Variants in USP43 observed in about 807,000 individuals in gnomAD.
USP43 encodes the protein ubiquitin specific peptidase 43.
USP43 carries 33 observed loss-of-function variants against 90.7 expected under a neutral mutation model. The ratio of observed to expected loss-of-function variants is 0.36; its 90% confidence interval spans 0.28 to 0.49. USP43 has a LOEUF of 0.49. USP43 is among the 20% of genes least tolerant of loss of function. The probability of loss-of-function intolerance (pLI) is 0.98; values close to 1 mark genes in which losing one functional copy is unlikely to be tolerated. For synonymous variants in USP43, 598 were observed against 615.8 expected (o/e 0.97, Z 0.43); for missense variants, 1,274 against 1,476.4 (o/e 0.86, Z 2.25).
intron 14 of USP43, among the ~76,000 whole-genome samples, chr17:9,715,973 G>A (rs922811907): frequency 5.9e-5 from 9 of 151,512 alleles, no homozygotes; most frequent in African/African-American, 2.2e-4. Context: ...GTGTATATGT[G>A]TGTGTGTCTG....
At chr17:9,655,353 C>T (rs1912167389) in intron 1 of USP43, among the ~76,000 whole-genome samples, 1 of 152,226 alleles carries the variant, frequency 6.6e-6, no homozygotes, top group South Asian at 2.1e-4. Flanking sequence ...ACATGTATAG[C>T]AAAAGTCCCT....
At chr17:9,647,414 C>A (rs2937971) in intron 1 of USP43, 10,928 of 152,182 alleles carry the variant, frequency 0.072, 854 homozygotes, top group African/African-American at 0.19. Context: ...AGAGCAAGGT[C>A]TCTGGAGTTT....
intron 2 of USP43, among the ~76,000 whole-genome samples, chr17:9,661,041 T>C (rs185873473): frequency 5.3e-5 from 8 of 152,338 alleles, no homozygotes; most frequent in African/African-American, 1.7e-4. Context: ...AGGTTATTTC[T>C]GTTTTTAAGA....
At chr17:9,692,750 G>A (rs1408377082) in intron 8 of USP43, among the ~76,000 whole-genome samples, 3 of 152,078 alleles carry the variant, frequency 2.0e-5, no homozygotes, top group Non-Finnish European at 4.4e-5. Context: ...GCCTCATTGT[G>A]GGGATGATAA....
In USP43 at chr17:9,728,557, A is replaced by G. The variant is rs1917403624; in HGVS notation, c.2939A>G (p.Asp980Gly). Residue 980 changes from aspartate (D) to glycine (G), a missense_variant, in exon 15 of 15, where the codon GAC becomes GGC. Around this residue, in one of 6 missense-constraint regions of USP43, gnomAD observed 353 missense variants for 329.7 expected, o/e 1.07. Coordinates refer to ENST00000285199, the MANE Select transcript of USP43 (RefSeq NM_153210.5). This position sits in a 1 kb window ranked among gnomAD's most constrained non-coding sequence, Gnocchi z 6.2. ...ATGGGATTCTCTGGAAACAGCAAAG[A>G]CAGTCGCCGAGGCACCTCTGAGCTA... ...PYMGFSGNSK[D>G]SRRGTSELDR... The G allele has an allele frequency of 1.2e-6, 2 of 1,613,970 alleles. No homozygotes were observed. Among genetic ancestry groups the G allele is most frequent in the South Asian group, 1.1e-5 (1 of 91,082 alleles).
At chr17:9,694,854 C>T (rs1915165891) in intron 9 of USP43, among the ~76,000 whole-genome samples, 1 of 152,150 alleles carries the variant, frequency 6.6e-6, no homozygotes, top group African/African-American at 2.4e-5. Flanking sequence ...GAACTCCTGA[C>T]CTCAAGTGAT....
chr17:9,676,077 A>C lies in USP43; in HGVS notation c.834-669A>C, dbSNP rs145635638. Among the ~76,000 whole-genome samples the C allele has an allele frequency of 9.8e-5, 15 of 152,356 alleles. No individual in the cohort carries two copies. In the East Asian group the frequency reaches 2.7e-3, roughly 27 times the overall value. On this transcript the variant is annotated intron_variant, in intron 4 of 14. Coordinates refer to ENST00000285199, the MANE Select transcript of USP43 (RefSeq NM_153210.5). Reference sequence around the variant, plus strand: ...GCAGAGATTTCCAAAGGAGACTCTCATTAAGGAGAATGTCATCAGTAGTGT... The same window carrying C: ...GCAGAGATTTCCAAAGGAGACTCTCCTTAAGGAGAATGTCATCAGTAGTGT...
intron 14 of USP43, among the ~76,000 whole-genome samples, chr17:9,720,587 C>T (rs1341420239): frequency 6.6e-6 from 1 of 151,888 alleles, no homozygotes; most frequent in East Asian, 2.0e-4. Context: ...CTCCCAGGTT[C>T]AAGCAATTCT....
chr17:9,696,368 A>G (rs552419853), intron 9 of USP43, among the ~76,000 whole-genome samples: 63 of 152,200 alleles, frequency 4.1e-4, no homozygotes, highest in African/African-American at 1.4e-3. Flanking sequence ...TCCTGAGCTC[A>G]GGCAATCCGC....
chr17:9,726,546 AC>A lies in USP43; in HGVS notation c.2336-1407del, dbSNP rs1348624985. ...GCTGCAGACAGCTTCATGTGTCCTC[AC>A]ATGGCAGGAAGAGAGCTGGGTAGCT... On this transcript the variant is annotated intron_variant, in intron 14 of 14. Coordinates refer to ENST00000285199, the MANE Select transcript of USP43 (RefSeq NM_153210.5). 3.3e-5 allele frequency among the ~76,000 whole-genome samples: 5 copies of A among 152,286 alleles called. 1 individual carries two copies. The East Asian group carries it at 7.7e-4, about 23-fold the overall frequency.
intron 9 of USP43, among the ~76,000 whole-genome samples, chr17:9,696,382 C>T (rs1261293780): frequency 6.6e-6 from 1 of 152,154 alleles, no homozygotes; most frequent in East Asian, 1.9e-4. Flanking sequence ...AATCCGCCTG[C>T]CTCTGCCTCC....
chr17:9,723,337 G>A (rs1379693552), intron 14 of USP43, among the ~76,000 whole-genome samples: 2 of 152,066 alleles, frequency 1.3e-5, no homozygotes, highest in Non-Finnish European at 2.9e-5. Context: ...ACTTGGGGGT[G>A]CCTTTTGTTC....
At chr17:9,666,397 A>T (rs566483880) in intron 2 of USP43, among the ~76,000 whole-genome samples, 1 of 152,250 alleles carries the variant, frequency 6.6e-6, no homozygotes, top group South Asian at 2.1e-4. Context: ...AGAATGAGCG[A>T]GCATCCACCA....
In USP43 at chr17:9,646,035, C is replaced by T. The variant is rs1473275386; in HGVS notation, c.403C>T (p.Arg135Trp). 3.4e-6 allele frequency: 5 copies of T among 1,490,714 alleles called. No individual in the cohort carries two copies. Among genetic ancestry groups the T allele is most frequent in the African/African-American group, 1.5e-5 (1 of 67,584 alleles). 92.3% of individuals were successfully genotyped at this position (1,490,714 alleles called of 1,614,324 possible). A position where few individuals can be genotyped will look rare whatever the true frequency, so the allele number is the denominator to read the frequency against. Residue 135 changes from arginine (R) to tryptophan (W), a missense_variant, in exon 1 of 15, where the codon CGG becomes TGG. Arg to Trp is a moderately radical substitution (Grantham distance 101, BLOSUM62 -3). Transcript: ENST00000285199. ...CGAGTTCCTGGCGCTGGGGCGCTAC[C>T]GGGCGGCTCCGGGCCGCGCCGAGGT... is the stretch of plus-strand genomic sequence containing the variant. ...LAEFLALGRY[R>W]AAPGRAEVTE...
chr17:9,725,763 G>A (rs2152004046), intron 14 of USP43, among the ~76,000 whole-genome samples: 2 of 152,250 alleles, frequency 1.3e-5, no homozygotes, highest in East Asian at 3.9e-4. Flanking sequence ...GCTATTTCGG[G>A]CAGCTGCCAA....
rs1049540893 is a variant in USP43 at position 9,674,762 on chromosome 17, A to G, written c.741-129A>G. 8 of 769,434 alleles carry G rather than the reference A, an allele frequency of 1.0e-5. No homozygotes were observed. The highest frequency in any genetic ancestry group is 5.1e-5 in the African/African-American group (3 of 58,480). The allele number at this position is 769,434 out of a possible 1,614,324, so 47.7% of individuals were successfully genotyped here. ...ACAAGTATTTGAACACCTGTTCTCA[A>G]TTCTTCTGGGTATGTACCTACGAGT... On this transcript the variant is annotated intron_variant, in intron 3 of 14. Transcript: ENST00000285199. The surrounding 1 kb of genome is among the most constrained non-coding windows in gnomAD (Gnocchi z 4.4).
chr17:9,666,152 C>T lies in USP43; in HGVS notation c.637-496C>T, dbSNP rs187462924. ...GAAGCTTGTGTACCAAATTGAAAAA[C>T]GAAAAGCCTCATTTGCCTGCAAAAG... On this transcript the variant is annotated intron_variant, in intron 2 of 14. Coordinates refer to ENST00000285199, the MANE Select transcript of USP43 (RefSeq NM_153210.5). 2.0e-3 allele frequency among the ~76,000 whole-genome samples: 299 copies of T among 152,224 alleles called. 2 individuals carry two copies. Among genetic ancestry groups the T allele is most frequent in the African/African-American group, 6.9e-3 (287 of 41,536 alleles).
chr17:9,678,506 A>G (rs1913937888), intron 5 of USP43, among the ~76,000 whole-genome samples: 1 of 151,872 alleles, frequency 6.6e-6, no homozygotes, highest in African/African-American at 2.4e-5. Flanking sequence ...ACACCCAGCT[A>G]ATTTTTTGTA....
At chr17:9,725,100 T>C (rs1259842191) in intron 14 of USP43, among the ~76,000 whole-genome samples, 2 of 152,210 alleles carry the variant, frequency 1.3e-5, no homozygotes, top group African/African-American at 2.4e-5. Flanking sequence ...AAGCAGCATC[T>C]GCTGGCTCCA....
Sources: allele counts gnomAD v4.1 joint callset (sites outside exome capture counted in the v4.1 genomes callset), GRCh38; gene constraint gnomAD v4.1.1; regional missense constraint gnomAD v4.1.1; non-coding constraint Gnocchi (gnomAD v3.1); transcripts MANE v1.5; gene names NCBI Gene and HGNC (gene_info 2026-07-23, HGNC 2026-07-21).